The following TOP3A variants were observed in gnomAD, a reference collection of about 807,000 sequenced individuals.
TOP3A encodes DNA topoisomerase 3-alpha.
TOP3A carries 64 observed loss-of-function variants against 111.3 expected under a neutral mutation model. The ratio of observed to expected loss-of-function variants is 0.57; its 90% CI spans 0.47 to 0.71. The LOEUF (loss-of-function observed/expected upper bound fraction) is 0.71, where lower values mean the gene tolerates loss of function less well. TOP3A is among the 30% of genes least tolerant of loss of function. The pLI, the probability that TOP3A is intolerant of heterozygous loss-of-function variation, is 0.00. For synonymous variants in TOP3A, 484 were observed against 485.1 expected, an observed-to-expected ratio of 1.00 and a Z score of 0.03; for missense variants, 1,104 against 1,285.0, an observed-to-expected ratio of 0.86 and a Z score of 2.15.
chr17:18,289,759 GT>G (rs1421884298), intron 13 of TOP3A, among the ~76,000 whole-genome samples: 2 of 152,156 alleles, frequency 1.3e-5, no homozygotes, highest in African/African-American at 4.8e-5. Context: ...AACCTGCAGG[GT>G]TTCTGGATGT....
At position 18,278,087 on chromosome 17, in the gene TOP3A, A is replaced by T. The variant is rs777613096; in HGVS notation, c.2415T>A (p.Ala805=). 6.2e-7 allele frequency: 1 copy of T among 1,614,222 alleles called. No individual in the cohort carries two copies. Among genetic ancestry groups the T allele is most frequent in the Non-Finnish European group, 8.5e-7 (1 of 1,180,048 alleles). Residue 805 remains alanine, a synonymous_variant, in exon 18 of 19, where the codon GCT becomes GCA. Transcript: ENST00000321105. Reference sequence around the variant, plus strand: ...TGCAGGTCACAGAATTGCTTTCACCAGCAGCCGTGGGTGGTGGGAGGGTCT... The same window carrying T: ...TGCAGGTCACAGAATTGCTTTCACCTGCAGCCGTGGGTGGTGGGAGGGTCT... The part of the protein sequence containing the change: ...LAQTLPPPTA[A]GESNSVTCNC...
intron 15 of TOP3A, among the ~76,000 whole-genome samples, chr17:18,284,501 T>C (rs1359477850): frequency 6.6e-6 from 1 of 152,130 alleles, no homozygotes; most frequent in Non-Finnish European, 1.5e-5. Context: ...CCAGGAGCCC[T>C]TGGCCACTAG....
At chr17:18,307,071 G>A in intron 3 of TOP3A, 105 bp from the exon 4 acceptor site, 2 of 741,602 alleles carry the variant, frequency 2.7e-6, no homozygotes, top group Non-Finnish European at 4.5e-6. Flanking sequence ...ATCCCCAAAA[G>A]AAAAGGTCCC....
At chr17:18,314,519 C>T in intron 1 of TOP3A, 80 bp downstream of exon 1, 2 of 1,466,318 alleles carry the variant, frequency 1.4e-6, no homozygotes. Context: ...GCCTTCATCT[C>T]GATTCTTGGC....
At chr17:18,309,573 G>A (rs1026188915) in intron 1 of TOP3A, among the ~76,000 whole-genome samples, 2 of 151,980 alleles carry the variant, frequency 1.3e-5, no homozygotes, top group African/African-American at 4.8e-5. Flanking sequence ...GAGCCCAGGA[G>A]GTGGACGTTG....
chr17:18,299,446 G>T (rs1981081327), intron 9 of TOP3A, 113 bp downstream of exon 9: 1 of 892,044 alleles, frequency 1.1e-6, no homozygotes, highest in African/African-American at 1.6e-5. Context: ...TTCTTGTGTG[G>T]CCTGGTGATG....
At chr17:18,306,754 G>T (rs1981602354) in intron 4 of TOP3A, 137 bp downstream of exon 4, 1 of 647,720 alleles carries the variant, frequency 1.5e-6, no homozygotes, top group Non-Finnish European at 2.7e-6. Flanking sequence ...CAATGGGTGG[G>T]AACCAGCTTT....
intron 18 of TOP3A, among the ~76,000 whole-genome samples, chr17:18,275,384 G>A (rs1318831484): frequency 6.5e-5 from 8 of 123,628 alleles, no homozygotes; most frequent in African/African-American, 1.9e-4. Flanking sequence ...TGGAGTCTTC[G>A]CTCTGTCACC....
intron 1 of TOP3A, 85 bp from the exon 2 acceptor site, chr17:18,309,026 G>A (rs918984528): frequency 3.9e-6 from 3 of 762,948 alleles, no homozygotes; most frequent in Non-Finnish European, 2.0e-6. Context: ...CCTGAATTTG[G>A]CAATGATTTC....
At chr17:18,282,673 T>C (rs1287893591) in intron 16 of TOP3A, 25 bp downstream of exon 16, 5 of 1,611,352 alleles carry the variant, frequency 3.1e-6, no homozygotes, top group Non-Finnish European at 4.2e-6. Context: ...GGAGCAGAGG[T>C]GGGGGCAGAA....
At chr17:18,287,028 C>T (rs1980146734) in intron 13 of TOP3A, among the ~76,000 whole-genome samples, 1 of 152,060 alleles carries the variant, frequency 6.6e-6, no homozygotes, top group Admixed American at 6.5e-5. Context: ...AAGTGATTGG[C>T]CCACCTTGGC....
At chr17:18,292,012 A>G (rs1374056860) in intron 11 of TOP3A, among the ~76,000 whole-genome samples, 1 of 152,216 alleles carries the variant, frequency 6.6e-6, no homozygotes, top group Non-Finnish European at 1.5e-5. Context: ...GCGTCCGGCC[A>G]TATTTTTAAA....
intron 10 of TOP3A, among the ~76,000 whole-genome samples, chr17:18,293,453 T>TA (rs1980605018): frequency 7.0e-6 from 1 of 142,106 alleles, no homozygotes. Flanking sequence ...GCCTGGCTAA[T>TA]TTTTTTTTTT....
intron 18 of TOP3A, among the ~76,000 whole-genome samples, chr17:18,276,754 T>G (rs1366174814): frequency 6.6e-6 from 1 of 152,210 alleles, no homozygotes. Context: ...CCATTCAAAG[T>G]GCCTCCACGT....
At chr17:18,299,441 G>C (rs2142979706) in intron 9 of TOP3A, 118 bp downstream of exon 9, 2 of 867,240 alleles carry the variant, frequency 2.3e-6, no homozygotes, top group South Asian at 1.4e-5. Context: ...GTGTTTTCTT[G>C]TGTGGCCTGG....
At position 18,273,750 on chromosome 17, in the gene TOP3A, C is replaced by T. The variant is rs191981678; in HGVS notation, c.*1052G>A. ...GTTCAAAGGATCCTCCCACTTCAGC[C>T]TCCTGAGCAGCTGAACTAAAGACGT... On this transcript the variant is annotated 3_prime_UTR_variant, in exon 19 of 19. Transcript: ENST00000321105. Among the ~76,000 whole-genome samples the T allele has an allele frequency of 8.5e-5, 13 of 152,284 alleles. No individual in the cohort carries two copies. Among genetic ancestry groups the T allele is most frequent in the African/African-American group, 3.1e-4 (13 of 41,544 alleles).
chr17:18,275,013 G>C, intron 18 of TOP3A, 33 bp from the exon 19 acceptor site: 1 of 1,598,954 alleles, frequency 6.3e-7, no homozygotes, highest in Non-Finnish European at 8.5e-7. Flanking sequence ...GGTGAGGTTA[G>C]AACTGACATG....
chr17:18,304,571 T>G (rs76447087), intron 5 of TOP3A, among the ~76,000 whole-genome samples: 6 of 149,140 alleles, frequency 4.0e-5, no homozygotes. Flanking sequence ...AACAATTATT[T>G]ATTAATAGTC....
intron 4 of TOP3A, 130 bp downstream of exon 4, chr17:18,306,761 C>CT: frequency 1.5e-6 from 1 of 677,084 alleles, no homozygotes; most frequent in South Asian, 1.9e-5. Context: ...TGGGAACCAG[C>CT]TTTTTAAATC....
Sources: gnomAD v4.1 joint callset for allele counts (sites outside exome capture counted in the v4.1 genomes callset) on GRCh38, gnomAD v4.1.1 for gene constraint, MANE v1.5 for transcripts, NCBI Gene and HGNC (gene_info 2026-07-23, HGNC 2026-07-21) for gene names.